The following KCTD8 variants were observed in gnomAD, a reference collection of about 807,000 sequenced individuals.
KCTD8 encodes BTB/POZ domain-containing protein KCTD8.
In KCTD8, 27 loss-of-function variants were observed where a neutral mutation model predicts 31.5. That is an observed-to-expected ratio of 0.86 (90% confidence interval 0.63 to 1.18). The LOEUF is 1.18. Among genes scored for constraint, KCTD8 ranks in the 50% most tolerant of loss-of-function variants. KCTD8 has a pLI of 0.00. For synonymous variants in KCTD8, 290 were observed against 280.0 expected (o/e 1.04, Z -0.36); for missense variants, 658 against 647.7 (o/e 1.02, Z -0.17).
At chr4:44,343,180 C>T (rs1361346017) in intron 1 of KCTD8, among the ~76,000 whole-genome samples, 1 of 152,150 alleles carries the variant, frequency 6.6e-6, no homozygotes, top group Non-Finnish European at 1.5e-5. Context: ...TCATTTTTAG[C>T]TTTTCATTTA....
intron 1 of KCTD8, among the ~76,000 whole-genome samples, chr4:44,229,164 T>C (rs1206508175): frequency 1.3e-5 from 2 of 152,142 alleles, no homozygotes; most frequent in African/African-American, 2.4e-5. Flanking sequence ...CTACAGCTGT[T>C]TCAGGTAGCT....
Position 44,298,504 on chromosome 4 carries a change from T to C in KCTD8, c.962-123254A>G, listed in dbSNP as rs562642086. Among the ~76,000 whole-genome samples, 11 of 151,950 alleles carry C rather than the reference T, an allele frequency of 7.2e-5. No individual in the cohort carries two copies. In the East Asian group the frequency reaches 2.2e-3, roughly 30 times the overall value. ...ACCATCACCACCACAGTTTCCTACA[T>C]TTTTAGTTGTAGCAGCAATAAGATA... On this transcript the variant is annotated intron_variant, in intron 1 of 1. Transcript: ENST00000360029.
chr4:44,436,487 T>C (rs1166055962), intron 1 of KCTD8, among the ~76,000 whole-genome samples: 1 of 152,146 alleles, frequency 6.6e-6, no homozygotes, highest in Non-Finnish European at 1.5e-5. Context: ...TTAAAAAGGC[T>C]ATATTTTTGA....
At chr4:44,194,411 A>G (rs1713867602) in intron 1 of KCTD8, among the ~76,000 whole-genome samples, 1 of 152,210 alleles carries the variant, frequency 6.6e-6, no homozygotes, top group Non-Finnish European at 1.5e-5. Flanking sequence ...TGTACTGGTA[A>G]CACCTTCTAT....
intron 1 of KCTD8, among the ~76,000 whole-genome samples, chr4:44,270,085 T>C (rs1056486436): frequency 1.3e-5 from 2 of 152,120 alleles, no homozygotes; most frequent in Non-Finnish European, 2.9e-5. Context: ...TAAAGACACA[T>C]GCACACATAT....
chr4:44,440,400 T>C lies in KCTD8; in HGVS notation c.961+7163A>G, dbSNP rs139434109. On this transcript the variant is annotated intron_variant, in intron 1 of 1. Coordinates refer to ENST00000360029, the MANE Select transcript of KCTD8 (RefSeq NM_198353.3). ...GCTTATGTAACAACTTCTCATGTCATTACTCCTGCTTTTTGCCCTCTTTTT... is the reference window on the plus strand; with the variant it reads ...GCTTATGTAACAACTTCTCATGTCACTACTCCTGCTTTTTGCCCTCTTTTT... Among the ~76,000 whole-genome samples the C allele has an allele frequency of 7.5e-4, 114 of 152,320 alleles. 1 individual carries two copies. Among genetic ancestry groups the C allele is most frequent in the African/African-American group, 2.6e-3 (109 of 41,576 alleles).
Position 44,448,478 on chromosome 4 carries a change from TG to T in KCTD8, c.45del (p.Ile16LeufsTer30). 4 of 1,524,472 alleles carry T rather than the reference TG, an allele frequency of 2.6e-6. No homozygotes were observed. The highest frequency in any genetic ancestry group is 3.5e-6 in the Non-Finnish European group (4 of 1,143,826). 94.4% of individuals were successfully genotyped at this position (1,524,472 alleles called of 1,614,324 possible). On this transcript the variant is annotated frameshift_variant, in exon 1 of 2. Coordinates refer to ENST00000360029, the MANE Select transcript of KCTD8 (RefSeq NM_198353.3). LOFTEE classifies it high-confidence loss of function. This position sits in a 1 kb window ranked among gnomAD's most constrained non-coding sequence, Gnocchi z 4.1. The part of the protein sequence containing the change: ...DTGSGGSTIL[P>X]ISEMVSSSSS... ...CTGGACGAGGAAACCATCTCGCTAA[TG>T]GGCAGGATGGTGCTGCCGCCGCTGC...
intron 1 of KCTD8, among the ~76,000 whole-genome samples, chr4:44,399,196 C>T (rs896688765): frequency 3.9e-5 from 6 of 152,070 alleles, no homozygotes; most frequent in African/African-American, 1.4e-4. Context: ...GAGGTCATTC[C>T]TTTTATCCAT....
intron 1 of KCTD8, among the ~76,000 whole-genome samples, chr4:44,435,462 A>G (rs988618540): frequency 6.6e-6 from 1 of 151,862 alleles, no homozygotes; most frequent in East Asian, 1.9e-4. Flanking sequence ...ACACTTCAAC[A>G]ATATAAATAT....
chr4:44,329,912 TCA>T (rs143152911), intron 1 of KCTD8, among the ~76,000 whole-genome samples: 1 of 152,082 alleles, frequency 6.6e-6, no homozygotes, highest in Non-Finnish European at 1.5e-5. Flanking sequence ...CTCTGACTTT[TCA>T]TTGAAGACCA....
chr4:44,192,275 A>G (rs1019771377), intron 1 of KCTD8, among the ~76,000 whole-genome samples: 2 of 152,214 alleles, frequency 1.3e-5, no homozygotes, highest in African/African-American at 2.4e-5. Context: ...TTATGACAGC[A>G]ATATAAACAA....
intron 1 of KCTD8, among the ~76,000 whole-genome samples, chr4:44,359,115 CT>C (rs1205254351): frequency 1.3e-5 from 2 of 152,086 alleles, no homozygotes; most frequent in Non-Finnish European, 2.9e-5. Flanking sequence ...TATAGGTTGC[CT>C]GTTCACTCTG....
chr4:44,265,770 A>T (rs1478093407), intron 1 of KCTD8, among the ~76,000 whole-genome samples: 2 of 152,244 alleles, frequency 1.3e-5, no homozygotes, highest in South Asian at 2.1e-4. Flanking sequence ...AGCCGACGCA[A>T]TCAACTGGAA....
chr4:44,235,764 C>G (rs114300326), intron 1 of KCTD8, among the ~76,000 whole-genome samples: 1,980 of 151,596 alleles, frequency 0.013, 52 homozygotes, highest in African/African-American at 0.045. Context: ...TATAGCACAT[C>G]TTTTTGTTTA....
At chr4:44,442,064 A>G (rs533089794) in intron 1 of KCTD8, among the ~76,000 whole-genome samples, 19 of 152,312 alleles carry the variant, frequency 1.2e-4, no homozygotes, top group South Asian at 4.1e-4. Flanking sequence ...TAGTATGACC[A>G]TGACTTTTTA....
At chr4:44,182,108 T>G (rs562286525) in intron 1 of KCTD8, among the ~76,000 whole-genome samples, 1 of 149,764 alleles carries the variant, frequency 6.7e-6, no homozygotes, top group African/African-American at 2.5e-5. Context: ...AGCCGCCCCG[T>G]CCGGGAGGAA....
chr4:44,206,423 A>G (rs1036177152), intron 1 of KCTD8, among the ~76,000 whole-genome samples: 2 of 152,182 alleles, frequency 1.3e-5, no homozygotes, highest in Non-Finnish European at 2.9e-5. Flanking sequence ...CAGCATGTGT[A>G]CCAAATGTTC....
At chr4:44,445,352 A>G (rs1721913623) in intron 1 of KCTD8, among the ~76,000 whole-genome samples, 2 of 152,194 alleles carry the variant, frequency 1.3e-5, no homozygotes, top group South Asian at 2.1e-4. Flanking sequence ...CTGGAATTGC[A>G]TATTTTCTCC....
chr4:44,308,136 T>C (rs1289466262), intron 1 of KCTD8, among the ~76,000 whole-genome samples: 1 of 152,006 alleles, frequency 6.6e-6, no homozygotes, highest in Non-Finnish European at 1.5e-5. Flanking sequence ...GTGATTTTTG[T>C]TTATAAATTA....
Sources: gnomAD v4.1 joint callset for allele counts (sites outside exome capture counted in the v4.1 genomes callset) on GRCh38, gnomAD v4.1.1 for gene constraint, Gnocchi (gnomAD v3.1) non-coding constraint, MANE v1.5 for transcripts, NCBI Gene and HGNC (gene_info 2026-07-23, HGNC 2026-07-21) for gene names.